Variants in TTYH3 observed in about 807,000 individuals in gnomAD.
The protein encoded by TTYH3 is tweety family member 3.
TTYH3 carries 23 observed loss-of-function variants against 68.2 expected under a neutral mutation model. The ratio of observed to expected loss-of-function variants is 0.34; its 90% CI spans 0.24 to 0.48. The LOEUF (loss-of-function observed/expected upper bound fraction) is 0.48, where lower values mean the gene tolerates loss of function less well. TTYH3 is among the 20% of genes least tolerant of loss of function. The probability of loss-of-function intolerance (pLI) is 0.99; values close to 1 mark genes in which losing one functional copy is unlikely to be tolerated. For missense variants in TTYH3, 768 were observed against 727.7 expected (o/e 1.06, Z -0.64); for synonymous variants, 360 against 332.8 (o/e 1.08, Z -0.89).
intron 1 of TTYH3, among the ~76,000 whole-genome samples, chr7:2,643,838 G>T (rs1785915851): frequency 6.6e-6 from 1 of 151,968 alleles, no homozygotes; most frequent in Admixed American, 6.6e-5. Flanking sequence ...CGTAATGCGT[G>T]TCTGGGATTG....
In TTYH3 at chr7:2,645,052, G is replaced by A. The variant is rs1232440686; in HGVS notation, c.124-1801G>A. 6.6e-6 allele frequency among the ~76,000 whole-genome samples: 1 copy of A among 152,218 alleles called. No individual in the cohort carries two copies. Among genetic ancestry groups the A allele is most frequent in the African/African-American group, 2.4e-5 (1 of 41,464 alleles). ...GGGAGAGAGGCGTTTCTCTGCAGTA[G>A]TGCCAATGAGGGCAGCGCAGGTGTG... On this transcript the variant is annotated intron_variant, in intron 1 of 13. Transcript: ENST00000258796. The surrounding 1 kb of genome is among the most constrained non-coding windows in gnomAD (Gnocchi z 4.8).
In TTYH3 at chr7:2,656,079, G is replaced by C. The variant is rs1228905714; in HGVS notation, c.1021-13G>C. The C allele has an allele frequency of 1.3e-6, 2 of 1,532,440 alleles. No homozygotes were observed. The highest frequency in any genetic ancestry group is 2.8e-5 in the African/African-American group (2 of 72,706). The allele number at this position is 1,532,440 out of a possible 1,614,324, so 94.9% of individuals were successfully genotyped here. The stretch of plus-strand genomic sequence containing the variant: ...AAATGAAGTGCTGACCATCTGCGGT[G>C]CGTGCCCCCCAGGACCCCCTCCTCC... On this transcript the variant is annotated splice_polypyrimidine_tract_variant and intron_variant, in intron 9 of 13. Coordinates refer to ENST00000258796, the MANE Select transcript of TTYH3 (RefSeq NM_025250.3).
At chr7:2,654,597 G>A (rs1786282606) in intron 9 of TTYH3, among the ~76,000 whole-genome samples, 3 of 152,064 alleles carry the variant, frequency 2.0e-5, no homozygotes, top group Admixed American at 2.0e-4. Flanking sequence ...CGTTTCCTGG[G>A]ACCCCCATAG....
At chr7:2,649,751 G>C (rs1786109955) in intron 6 of TTYH3, 112 bp downstream of exon 6, 3 of 1,452,610 alleles carry the variant, frequency 2.1e-6, no homozygotes, top group Non-Finnish European at 9.4e-7. Context: ...TGGGTCCCGA[G>C]AGCGGTGGGG....
At position 2,649,309 on chromosome 7, in the gene TTYH3, C is replaced by T. The variant is rs573164722; in HGVS notation, c.723-258C>T. On this transcript the variant is annotated intron_variant, in intron 5 of 13. Coordinates refer to ENST00000258796, the MANE Select transcript of TTYH3 (RefSeq NM_025250.3). ...AGAGGGACCTGGGGGACAGGAGGGG[C>T]GGGGCCCCAAGAGCCACGTGGCCCT... Among the ~76,000 whole-genome samples the T allele has an allele frequency of 1.2e-3, 175 of 152,128 alleles. 1 individual carries two copies. The highest frequency in any genetic ancestry group is 4.0e-3 in the African/African-American group (164 of 41,504).
chr7:2,648,183 C>T (rs908554452), intron 5 of TTYH3, 129 bp downstream of exon 5: 13 of 846,910 alleles, frequency 1.5e-5, no homozygotes, highest in Non-Finnish European at 2.2e-5. Flanking sequence ...TGAGCGGGAC[C>T]CCCCTGCACT....
At chr7:2,647,053 G>A (rs1562712271) in intron 2 of TTYH3, 31 bp downstream of exon 2, 2 of 1,532,744 alleles carry the variant, frequency 1.3e-6, no homozygotes, top group South Asian at 2.4e-5. Flanking sequence ...ACGGAGGGCG[G>A]GGCCAGAGGG....
At chr7:2,638,862 AGGGGACCCACGAGGCAAAGGTAG>A (rs1294892254) in intron 1 of TTYH3, among the ~76,000 whole-genome samples, 1 of 152,126 alleles carries the variant, frequency 6.6e-6, no homozygotes, top group Non-Finnish European at 1.5e-5. Context: ...CACTTGTGCA[AGGGGACCCACGAGGCAAAGGTAG>A]GGGGACCCAC....
chr7:2,635,661 T>C (rs1785638196), intron 1 of TTYH3, among the ~76,000 whole-genome samples: 1 of 152,170 alleles, frequency 6.6e-6, no homozygotes, highest in Non-Finnish European at 1.5e-5. Flanking sequence ...GGGTTAGGAT[T>C]TGCCTGCTCA....
At chr7:2,634,011 C>G (rs1422414882) in intron 1 of TTYH3, among the ~76,000 whole-genome samples, 1 of 152,262 alleles carries the variant, frequency 6.6e-6, no homozygotes, top group East Asian at 1.9e-4. Context: ...CCCTGGGAGG[C>G]CCTGGCTTCT....
Position 2,632,257 on chromosome 7 carries a change from C to A in TTYH3, c.102C>A (p.Pro34=). The A allele has an allele frequency of 6.3e-7, 1 of 1,585,336 alleles. No homozygotes were observed. Among genetic ancestry groups the A allele is most frequent in the Non-Finnish European group, 8.6e-7 (1 of 1,163,580 alleles). ...AGGCCACTAGCAGCCAGTTCCGGCC[C>A]GAGGACACCGACTACCAGCAGGTGA... ...SWEATSSQFR[P]EDTDYQQALL... Residue 34 remains proline, a synonymous_variant, in exon 1 of 14, where the codon CCC becomes CCA. Transcript: ENST00000258796.
Position 2,647,646 on chromosome 7 carries a change from C to T in TTYH3, c.626+8C>T. 1 of 1,551,860 alleles carries T rather than the reference C, an allele frequency of 6.4e-7. No individual in the cohort carries two copies. Among genetic ancestry groups the T allele is most frequent in the East Asian group, 2.4e-5 (1 of 41,424 alleles). ...TCTCTACGACTGGTACAGGTGCGGCCAGGCCCTCTTCCCTGCCCGCCCCAC... is the reference window on the plus strand; with the variant it reads ...TCTCTACGACTGGTACAGGTGCGGCTAGGCCCTCTTCCCTGCCCGCCCCAC... On this transcript the variant is annotated splice_region_variant and intron_variant, in intron 4 of 13. Coordinates refer to ENST00000258796, the MANE Select transcript of TTYH3 (RefSeq NM_025250.3).
chr7:2,659,712 C>T (rs1012806221), intron 13 of TTYH3, among the ~76,000 whole-genome samples: 16 of 152,082 alleles, frequency 1.1e-4, no homozygotes, highest in East Asian at 1.9e-4. Context: ...ATCCCCATCC[C>T]GGGGCCACTG....
intron 5 of TTYH3, chr7:2,648,257 A>G (rs1171015306): frequency 1.8e-6 from 1 of 567,076 alleles, no homozygotes; most frequent in Admixed American, 3.3e-5. Context: ...GCATCCCAGC[A>G]CACTTGCCCC....
Position 2,632,387 on chromosome 7 carries a change from C to T in TTYH3, c.123+109C>T, listed in dbSNP as rs544010614. 644 of 1,187,362 alleles carry T rather than the reference C, an allele frequency of 5.4e-4. 5 individuals are homozygous for T. The South Asian group carries it at 7.6e-3, about 14-fold the overall frequency. 73.6% of individuals were successfully genotyped at this position (1,187,362 alleles called of 1,614,324 possible). On this transcript the variant is annotated intron_variant, in intron 1 of 13. Transcript: ENST00000258796. ...GAGGGCCTAAAGACCCCTCATCCCC[C>T]CCTCCAGGGTCACGGCCACCTCCTC...
rs758478784 is a variant in TTYH3 at position 2,658,496 on chromosome 7, G to A, written c.1424+37G>A. 22 of 1,577,808 alleles carry A rather than the reference G, an allele frequency of 1.4e-5. No individual in the cohort carries two copies. In the East Asian group the frequency reaches 1.8e-4, roughly 13 times the overall value. ...TGGGCCTAGTGGGGCCAGCGGACACGTCAGCTGCGGCTGAGAGCGCGGATC... is the reference window on the plus strand; with the variant it reads ...TGGGCCTAGTGGGGCCAGCGGACACATCAGCTGCGGCTGAGAGCGCGGATC... On this transcript the variant is annotated intron_variant, in intron 12 of 13. Coordinates refer to ENST00000258796, the MANE Select transcript of TTYH3 (RefSeq NM_025250.3).
Position 2,661,950 on chromosome 7 carries a change from C to A in TTYH3, c.*211C>A, listed in dbSNP as rs1044403787. On this transcript the variant is annotated 3_prime_UTR_variant, in exon 14 of 14. Coordinates refer to ENST00000258796, the MANE Select transcript of TTYH3 (RefSeq NM_025250.3). ...GCCCGTACCGCCAACTCGGGTCACA[C>A]CTGAACGCTGCTGCCAGCCGATGCC... 6 of 614,560 alleles carry A rather than the reference C, an allele frequency of 9.8e-6. No individual in the cohort carries two copies. Among genetic ancestry groups the A allele is most frequent in the Admixed American group, 8.5e-5 (3 of 35,360 alleles). The allele number at this position is 614,560 out of a possible 1,614,324, so 38.1% of individuals were successfully genotyped here.
chr7:2,639,911 C>T (rs1449338120), intron 1 of TTYH3, among the ~76,000 whole-genome samples: 2 of 152,204 alleles, frequency 1.3e-5, no homozygotes, highest in Non-Finnish European at 2.9e-5. Flanking sequence ...CCCCTGCTCA[C>T]CGTGCCCCGT....
intron 11 of TTYH3, among the ~76,000 whole-genome samples, chr7:2,656,815 C>T (rs1266714576): frequency 1.3e-5 from 2 of 152,216 alleles, no homozygotes; most frequent in Non-Finnish European, 2.9e-5. Context: ...TCTCTTGCCT[C>T]CCCAGACTGG....
Sources: gnomAD v4.1 joint callset for allele counts (sites outside exome capture counted in the v4.1 genomes callset) on GRCh38, gnomAD v4.1.1 for gene constraint, Gnocchi (gnomAD v3.1) non-coding constraint, MANE v1.5 for transcripts, NCBI Gene and HGNC (gene_info 2026-07-23, HGNC 2026-07-21) for gene names.